Variants in ITGB1 observed in about 807,000 individuals in gnomAD.
ITGB1 encodes integrin beta-1.
ITGB1 carries 24 observed loss-of-function variants against 86.5 expected under a neutral mutation model. The observed-to-expected ratio is 0.28, with a 90% CI of 0.20 to 0.39. The LOEUF (loss-of-function observed/expected upper bound fraction) is 0.39, where lower values mean the gene tolerates loss of function less well. Ranked by LOEUF, ITGB1 falls within the 10% of genes least tolerant of loss-of-function variation. The pLI is 1.00. For synonymous variants in ITGB1, 323 were observed against 316.8 expected (o/e 1.02, Z -0.21); for missense variants, 556 against 946.9 (o/e 0.59, Z 5.42).
chr10:32,906,204 A>G (rs1243250704), intron 15 of ITGB1, among the ~76,000 whole-genome samples: 3 of 152,202 alleles, frequency 2.0e-5, no homozygotes, highest in Non-Finnish European at 1.5e-5. Flanking sequence ...CAAATATCAT[A>G]GTAGGTTATA....
chr10:32,937,480 C>T (rs560384393), intron 1 of ITGB1, among the ~76,000 whole-genome samples: 2 of 142,430 alleles, frequency 1.4e-5, no homozygotes, highest in Non-Finnish European at 3.0e-5. Context: ...CGCTTGAACC[C>T]GGGAGGCGGA....
At chr10:32,932,348 G>A (rs1189320735) in intron 3 of ITGB1, among the ~76,000 whole-genome samples, 167 bp downstream of exon 3, 1 of 152,032 alleles carries the variant, frequency 6.6e-6, no homozygotes, top group Non-Finnish European at 1.5e-5. Flanking sequence ...GTGCTCAATA[G>A]CCACATCTGC....
At chr10:32,932,673 C>T in intron 2 of ITGB1, 73 bp from the exon 3 acceptor site, 1 of 860,640 alleles carries the variant, frequency 1.2e-6, no homozygotes, top group Non-Finnish European at 2.0e-6. Context: ...ATCAGAATCA[C>T]AATGACAATG....
intron 14 of ITGB1, among the ~76,000 whole-genome samples, chr10:32,909,090 T>C (rs2094905520): frequency 6.6e-6 from 1 of 152,138 alleles, no homozygotes; most frequent in African/African-American, 2.4e-5. Context: ...AAAACACTTT[T>C]GTAAAAGAAT....
At chr10:32,940,419 T>G (rs2095015631) in intron 1 of ITGB1, among the ~76,000 whole-genome samples, 1 of 152,174 alleles carries the variant, frequency 6.6e-6, no homozygotes, top group Admixed American at 6.5e-5. Context: ...TTATCAAGTA[T>G]TATGCACTGT....
chr10:32,926,064 G>A lies in ITGB1; in HGVS notation c.593C>T (p.Thr198Ile). 2 of 1,614,106 alleles carry A rather than the reference G, an allele frequency of 1.2e-6. No homozygotes were observed. The highest frequency in any genetic ancestry group is 2.2e-5 in the East Asian group (1 of 44,880). The part of the protein sequence containing the change: ...VEKTVMPYIS[T>I]TPAKLRNPCT... The stretch of plus-strand genomic sequence containing the variant: ...AGGGTTCCTGAGCTTAGCTGGTGTT[G>A]TGCTAATGTAAGGCATCACAGTCTT... The change falls in exon 6 of 16, where the codon ACA becomes ATA. Residue 198 changes from threonine to isoleucine, a missense_variant. This residue lies in a region of ITGB1 where 183 missense variants were observed against 263.9 expected (regional missense o/e 0.69). Transcript: ENST00000302278.
rs200099735 is a variant in ITGB1 at position 32,908,529 on chromosome 10, G to C, written c.2170C>G (p.Pro724Ala). 1.8e-5 allele frequency: 29 copies of C among 1,613,410 alleles called. No homozygotes were observed. The highest frequency in any genetic ancestry group is 2.5e-5 in the Non-Finnish European group (29 of 1,179,686). The change falls in exon 15 of 16, where the codon CCC (proline) becomes GCC (alanine). Residue 724 changes from proline to alanine, a missense_variant. Physicochemically the swap from Pro to Ala is conservative, Grantham distance 27. Transcript: ENST00000302278. ...MVHVVENPEC[P>A]TGPDIIPIVA... ...ATTGGAATGATGTCTGGACCAGTGG[G>C]ACACTCTGGAAAATAAGAAGGTAAT...
intron 15 of ITGB1, among the ~76,000 whole-genome samples, chr10:32,904,343 G>A (rs938270192): frequency 3.9e-5 from 6 of 152,194 alleles, no homozygotes; most frequent in African/African-American, 1.4e-4. Context: ...CTCAAGCTCA[G>A]TAAAATGTCA....
chr10:32,950,826 T>C (rs1488148662), intron 1 of ITGB1, among the ~76,000 whole-genome samples: 1 of 152,090 alleles, frequency 6.6e-6, no homozygotes, highest in African/African-American at 2.4e-5. Flanking sequence ...ACAAAACAAT[T>C]TGAAATCTGA....
At chr10:32,931,270 C>A (rs2094982637) in intron 3 of ITGB1, among the ~76,000 whole-genome samples, 1 of 152,044 alleles carries the variant, frequency 6.6e-6, no homozygotes, top group African/African-American at 2.4e-5. Context: ...CACCCAAATA[C>A]AATTTCACTG....
At chr10:32,937,312 C>T (rs1242515879) in intron 1 of ITGB1, among the ~76,000 whole-genome samples, 2 of 152,154 alleles carry the variant, frequency 1.3e-5, no homozygotes. Flanking sequence ...TAATCCAGCA[C>T]TTTGGGAGAC....
chr10:32,917,830 C>A (rs2094936818), intron 11 of ITGB1, among the ~76,000 whole-genome samples: 1 of 152,160 alleles, frequency 6.6e-6, no homozygotes, highest in South Asian at 2.1e-4. Context: ...TTGACCCAGC[C>A]ATCCCATTAC....
intron 11 of ITGB1, among the ~76,000 whole-genome samples, chr10:32,914,967 C>A (rs1252873605): frequency 6.6e-6 from 1 of 152,212 alleles, no homozygotes; most frequent in Non-Finnish European, 1.5e-5. Context: ...CAAACTGTCT[C>A]TCAGACCACA....
chr10:32,902,884 T>C (rs1019383258), intron 15 of ITGB1, among the ~76,000 whole-genome samples: 2 of 152,154 alleles, frequency 1.3e-5, no homozygotes, highest in Admixed American at 6.5e-5. Flanking sequence ...GTTATGAACA[T>C]AATCTGGGAA....
chr10:32,927,447 A>G (rs996577677), intron 5 of ITGB1, among the ~76,000 whole-genome samples: 1 of 152,196 alleles, frequency 6.6e-6, no homozygotes, highest in African/African-American at 2.4e-5. Flanking sequence ...AGGTGCAGAC[A>G]TACTAATTAG....
chr10:32,928,273 A>G lies in ITGB1; in HGVS notation c.377-9T>C, dbSNP rs200088898. The stretch of plus-strand genomic sequence containing the variant: ...AAATGTCTGTGGCTCCCCTAATTAG[A>G]CAAGAGATTAGAAAATGAAACTTGC... On this transcript the variant is annotated splice_polypyrimidine_tract_variant and intron_variant, in intron 4 of 15. Transcript: ENST00000302278. 126 of 836,350 alleles carry G rather than the reference A, an allele frequency of 1.5e-4. No homozygotes were observed. Among genetic ancestry groups the G allele is most frequent in the Non-Finnish European group, 2.4e-4 (116 of 491,300 alleles). The allele number at this position is 836,350 out of a possible 1,614,324, so 51.8% of individuals were successfully genotyped here.
intron 2 of ITGB1, among the ~76,000 whole-genome samples, 165 bp downstream of exon 2, chr10:32,935,327 T>G (rs538423964): frequency 6.6e-6 from 1 of 152,282 alleles, no homozygotes; most frequent in Admixed American, 6.5e-5. Context: ...GAGGGGAGCC[T>G]GACCATGAAG....
At chr10:32,935,868 A>AGTATTAAGTATTTTATG (rs2095000010) in intron 1 of ITGB1, 2 of 226,946 alleles carry the variant, frequency 8.8e-6, no homozygotes, top group African/African-American at 4.5e-5. Flanking sequence ...ATCAGTGTTA[A>AGTATTAAGTATTTTATG]GTATTCCTCA....
At chr10:32,957,648 C>G (rs937849065) in intron 1 of ITGB1, 2 of 152,340 alleles carry the variant, frequency 1.3e-5, no homozygotes, top group South Asian at 4.1e-4. Context: ...TGGCTCGACG[C>G]TGCTCCAAGG....
Sources: gnomAD v4.1 joint callset for allele counts (sites outside exome capture counted in the v4.1 genomes callset) on GRCh38, gnomAD v4.1.1 for gene constraint, gnomAD v4.1.1 regional missense constraint, MANE v1.5 for transcripts, NCBI Gene and HGNC (gene_info 2026-07-23, HGNC 2026-07-21) for gene names.